Variants in KCNQ1OT1 observed in about 807,000 individuals in gnomAD.
The protein encoded by KCNQ1OT1 is KCNQ1 antisense RNA 2 (non-protein coding).
exon 1 of KCNQ1OT1, chr11:2,650,715 G>A (rs1849743812): frequency 2.5e-6 from 1 of 398,562 alleles, no homozygotes; most frequent in Non-Finnish European, 4.4e-6. Context: ...GCTGGGCAGG[G>A]GACTAGAATG....
At chr11:2,689,021 G>A in exon 1 of KCNQ1OT1, 1 of 398,852 alleles carries the variant, frequency 2.5e-6, no homozygotes, top group Non-Finnish European at 4.4e-6. Context: ...TGGAATCCTG[G>A]AGCCCTGGGC....
At chr11:2,633,510 T>C in exon 1 of KCNQ1OT1, 1 of 398,564 alleles carries the variant, frequency 2.5e-6, no homozygotes, top group East Asian at 3.6e-5. Context: ...AGGTCTCATG[T>C]TTAAGTCTCT....
exon 1 of KCNQ1OT1, chr11:2,689,523 TC>T (rs1269759075): frequency 1.8e-5 from 7 of 398,542 alleles, no homozygotes; most frequent in Non-Finnish European, 3.1e-5. Context: ...ATGGTCCCTG[TC>T]CCAGCATGAA....
Position 2,682,818 on chromosome 11 carries a change from C to T in KCNQ1OT1, n.17177G>A, listed in dbSNP as rs901631509. The T allele has an allele frequency of 2.5e-6, 1 of 398,482 alleles. No individual in the cohort carries two copies. The highest frequency in any genetic ancestry group is 4.4e-6 in the Non-Finnish European group (1 of 226,074). The allele number at this position is 398,482 out of a possible 1,614,324, so 24.7% of individuals were successfully genotyped here. On this transcript the variant is annotated non_coding_transcript_exon_variant, in exon 1 of 1. Coordinates refer to ENST00000597346, the Ensembl canonical transcript of KCNQ1OT1. The surrounding 1 kb of genome is among the most constrained non-coding windows in gnomAD (Gnocchi z 5.8). ...AATGCAGTGACTTGCAGTGATCCTC[C>T]TGGGGCCTTGTATAGAAGAGACCAT...
At chr11:2,640,137 C>T (rs894468537) in exon 1 of KCNQ1OT1, 15 of 344,200 alleles carry the variant, frequency 4.4e-5, no homozygotes, top group African/African-American at 2.7e-4. Flanking sequence ...AGGGAATTCC[C>T]TGACCCCTTG....
At position 2,658,908 on chromosome 11, in the gene KCNQ1OT1, A is replaced by ATG; in HGVS notation, n.41085_41086dup. The stretch of plus-strand genomic sequence containing the variant: ...AACCCTATTGTACACGTAGTACCCT[A>ATG]TGTGAAGCAAATTTACCTACTAGAT... On this transcript the variant is annotated non_coding_transcript_exon_variant, in exon 1 of 1. Transcript: ENST00000597346. The surrounding 1 kb of genome is among the most constrained non-coding windows in gnomAD (Gnocchi z 4.9). The ATG allele has an allele frequency of 2.5e-6, 1 of 398,506 alleles. No homozygotes were observed. Among genetic ancestry groups the ATG allele is most frequent in the Non-Finnish European group, 4.4e-6 (1 of 226,022 alleles). 24.7% of individuals were successfully genotyped at this position (398,506 alleles called of 1,614,324 possible).
exon 1 of KCNQ1OT1, chr11:2,615,164 T>A (rs964206844): frequency 8.0e-5 from 32 of 398,144 alleles, no homozygotes; most frequent in African/African-American, 6.4e-4. Context: ...CTATTGTAAG[T>A]GGAATTTTAA....
Position 2,617,618 on chromosome 11 carries a change from A to G in KCNQ1OT1, n.82377T>C, listed in dbSNP as rs1849088632. On this transcript the variant is annotated non_coding_transcript_exon_variant, in exon 1 of 1. Coordinates refer to ENST00000597346, the Ensembl canonical transcript of KCNQ1OT1. This position sits in a 1 kb window ranked among gnomAD's most constrained non-coding sequence, Gnocchi z 4.6. Reference sequence around the variant, plus strand: ...TGGGTCAGATGATAGTATATTTTCAATTTCTTTAGGAGCCACCATTCTGTT... The same window carrying G: ...TGGGTCAGATGATAGTATATTTTCAGTTTCTTTAGGAGCCACCATTCTGTT... The G allele has an allele frequency of 2.5e-6, 1 of 398,320 alleles. No homozygotes were observed. Among genetic ancestry groups the G allele is most frequent in the South Asian group, 1.3e-4 (1 of 7,864 alleles). The allele number at this position is 398,320 out of a possible 1,614,324, so 24.7% of individuals were successfully genotyped here.
exon 1 of KCNQ1OT1, chr11:2,660,808 T>C (rs527814173): frequency 1.3e-5 from 5 of 398,488 alleles, no homozygotes; most frequent in Non-Finnish European, 2.2e-5. Flanking sequence ...GCAACATTTA[T>C]TAAAATTACT....
chr11:2,639,790 G>C (rs1849539464), exon 1 of KCNQ1OT1: 1 of 152,512 alleles, frequency 6.6e-6, no homozygotes, highest in African/African-American at 2.4e-5. Flanking sequence ...CTTTTGTTCG[G>C]CTATGCTCTG....
chr11:2,685,378 A>C, exon 1 of KCNQ1OT1: 1 of 398,700 alleles, frequency 2.5e-6, no homozygotes, highest in Non-Finnish European at 4.4e-6. Flanking sequence ...TGCCTGGTAC[A>C]TGGGCAGGGG....
chr11:2,695,829 G>C lies in KCNQ1OT1; in HGVS notation n.4166C>G, dbSNP rs931568259. 2 of 398,466 alleles carry C rather than the reference G, an allele frequency of 5.0e-6. No homozygotes were observed. Among genetic ancestry groups the C allele is most frequent in the Admixed American group, 4.4e-5 (1 of 22,708 alleles). 24.7% of individuals were successfully genotyped at this position (398,466 alleles called of 1,614,324 possible). ...CTGTTGCTTTCATTTACATTTCTCT[G>C]ATAACTGATTAGCTTGGGCAAATTT... On this transcript the variant is annotated non_coding_transcript_exon_variant, in exon 1 of 1. Transcript: ENST00000597346. The surrounding 1 kb of genome is among the most constrained non-coding windows in gnomAD (Gnocchi z 5.2).
In KCNQ1OT1 at chr11:2,678,162, TATA is replaced by T. The variant is rs1850326065; in HGVS notation, n.21830_21832del. 4 of 398,398 alleles carry T rather than the reference TATA, an allele frequency of 1.0e-5. No homozygotes were observed. The Admixed American group carries it at 1.3e-4, about 13-fold the overall frequency. 24.7% of individuals were successfully genotyped at this position (398,398 alleles called of 1,614,324 possible). ...TTTCCTTAGGTGTTTTGGCTTTTTC[TATA>T]ATATTTTTCTGGTGGCAGAATTTTT... On this transcript the variant is annotated non_coding_transcript_exon_variant, in exon 1 of 1. Coordinates refer to ENST00000597346, the Ensembl canonical transcript of KCNQ1OT1. The surrounding 1 kb of genome is among the most constrained non-coding windows in gnomAD (Gnocchi z 4.9).
At position 2,645,883 on chromosome 11, in the gene KCNQ1OT1, C is replaced by A. The variant is rs191657262; in HGVS notation, n.54112G>T. The A allele has an allele frequency of 2.5e-5, 10 of 398,648 alleles. No homozygotes were observed. In the East Asian group the frequency reaches 3.6e-4, roughly 14 times the overall value. 24.7% of individuals were successfully genotyped at this position (398,648 alleles called of 1,614,324 possible). ...TGCCTGAGGATTCAGGGTGATCTCC[C>A]TCTCTGGGAGCTGTTCATTGCCATT... On this transcript the variant is annotated non_coding_transcript_exon_variant, in exon 1 of 1. Transcript: ENST00000597346. This position sits in a 1 kb window ranked among gnomAD's most constrained non-coding sequence, Gnocchi z 5.8.
Position 2,653,274 on chromosome 11 carries a change from C to G in KCNQ1OT1, n.46721G>C, listed in dbSNP as rs1849785583. 1 of 398,740 alleles carries G rather than the reference C, an allele frequency of 2.5e-6. No individual in the cohort carries two copies. Among genetic ancestry groups the G allele is most frequent in the Non-Finnish European group, 4.4e-6 (1 of 226,136 alleles). 24.7% of individuals were successfully genotyped at this position (398,740 alleles called of 1,614,324 possible). ...TTCTCCCTGCCCTCTGCCCTGAAAA[C>G]TAGTGGGGGCAGTGCAGACCAGTTT... is the stretch of plus-strand genomic sequence containing the variant. On this transcript the variant is annotated non_coding_transcript_exon_variant, in exon 1 of 1. Transcript: ENST00000597346. The surrounding 1 kb of genome is among the most constrained non-coding windows in gnomAD (Gnocchi z 5.3).
chr11:2,691,659 G>C lies in KCNQ1OT1; in HGVS notation n.8336C>G. On this transcript the variant is annotated non_coding_transcript_exon_variant, in exon 1 of 1. Transcript: ENST00000597346. This position sits in a 1 kb window ranked among gnomAD's most constrained non-coding sequence, Gnocchi z 6.4. ...CCTCTTTACCGCCACAGTTCCAAGG[G>C]TGAAACAGAGAACCAGGTGGGGAAG... 1 of 398,570 alleles carries C rather than the reference G, an allele frequency of 2.5e-6. No homozygotes were observed. Among genetic ancestry groups the C allele is most frequent in the Non-Finnish European group, 4.4e-6 (1 of 226,076 alleles). The allele number at this position is 398,570 out of a possible 1,614,324, so 24.7% of individuals were successfully genotyped here.
At position 2,668,933 on chromosome 11, in the gene KCNQ1OT1, C is replaced by T. The variant is rs1257337114; in HGVS notation, n.31062G>A. On this transcript the variant is annotated non_coding_transcript_exon_variant, in exon 1 of 1. Coordinates refer to ENST00000597346, the Ensembl canonical transcript of KCNQ1OT1. This position sits in a 1 kb window ranked among gnomAD's most constrained non-coding sequence, Gnocchi z 4.3. ...TAAAGCTTTATTAGCTCACCTTTCC[C>T]ATGTAGATCTGCACTCCATCTGGGA... The T allele has an allele frequency of 7.5e-6, 3 of 398,488 alleles. No individual in the cohort carries two copies. The highest frequency in any genetic ancestry group is 1.3e-5 in the Non-Finnish European group (3 of 226,074). The allele number at this position is 398,488 out of a possible 1,614,324, so 24.7% of individuals were successfully genotyped here.
exon 1 of KCNQ1OT1, chr11:2,689,358 C>T: frequency 2.5e-6 from 1 of 398,632 alleles, no homozygotes; most frequent in Non-Finnish European, 4.4e-6. Flanking sequence ...TTTAGGTCAG[C>T]CTTGGGAAGA....
exon 1 of KCNQ1OT1, chr11:2,688,950 C>T (rs1242255906): frequency 2.5e-6 from 1 of 398,732 alleles, no homozygotes; most frequent in Non-Finnish European, 4.4e-6. Flanking sequence ...ACCCACTGGG[C>T]CTAGGGCTCT....
Sources: allele counts gnomAD v4.1 joint callset, GRCh38; gene constraint gnomAD v4.1.1; non-coding constraint Gnocchi (gnomAD v3.1); transcripts MANE v1.5; gene names NCBI Gene and HGNC (gene_info 2026-07-23, HGNC 2026-07-21).